Variants in PINX1 observed in about 807,000 individuals in gnomAD.
The protein encoded by PINX1 is PIN2 (TERF1) interacting telomerase inhibitor 1.
A neutral mutation model predicts 25.4 loss-of-function variants in PINX1; 34 were observed. That is an observed-to-expected ratio of 1.34 (90% CI 1.02 to 1.78). PINX1 has a LOEUF of 1.78. Among genes scored for constraint, PINX1 ranks in the 40% most tolerant of loss-of-function variants. The probability of loss-of-function intolerance (pLI) is 0.00; values close to 1 mark genes in which losing one functional copy is unlikely to be tolerated. For missense variants in PINX1, 592 were observed against 404.9 expected (o/e 1.46, Z -3.97); for synonymous variants, 197 against 147.7 (o/e 1.33, Z -2.42).
At chr8:10,783,749 G>C (rs925006184) in intron 6 of PINX1, among the ~76,000 whole-genome samples, 7 of 152,198 alleles carry the variant, frequency 4.6e-5, no homozygotes, top group African/African-American at 1.4e-4. Flanking sequence ...AATTGGAGGG[G>C]AGAGGGAAAC....
At chr8:10,802,740 C>T (rs1194316414) in intron 6 of PINX1, among the ~76,000 whole-genome samples, 2 of 152,148 alleles carry the variant, frequency 1.3e-5, no homozygotes, top group African/African-American at 4.8e-5. Context: ...GGGAATGTAC[C>T]AGACCTCCAG....
intron 6 of PINX1, among the ~76,000 whole-genome samples, chr8:10,816,371 C>G (rs1797697301): frequency 6.6e-6 from 1 of 152,220 alleles, no homozygotes; most frequent in South Asian, 2.1e-4. Flanking sequence ...GACTATTAAT[C>G]AAGGGCTGCA....
chr8:10,801,745 G>T (rs1051122344), intron 6 of PINX1, among the ~76,000 whole-genome samples: 5 of 152,152 alleles, frequency 3.3e-5, no homozygotes, highest in African/African-American at 1.2e-4. Flanking sequence ...TAATGAAAAA[G>T]AATTTGTGGT....
chr8:10,829,841 C>T (rs1419366182), intron 4 of PINX1, among the ~76,000 whole-genome samples: 4 of 152,160 alleles, frequency 2.6e-5, no homozygotes, highest in South Asian at 4.1e-4. Context: ...TACGCCACCA[C>T]GCCCAGCTAA....
chr8:10,793,238 T>C (rs2409661), intron 6 of PINX1, among the ~76,000 whole-genome samples: 3,405 of 152,266 alleles, frequency 0.022, 142 homozygotes, highest in African/African-American at 0.077. Flanking sequence ...AAGCATATTA[T>C]CTACATAATG....
chr8:10,827,771 C>T (rs190346527), intron 4 of PINX1, among the ~76,000 whole-genome samples: 1 of 151,420 alleles, frequency 6.6e-6, no homozygotes, highest in African/African-American at 2.4e-5. Flanking sequence ...ATTAGCCGGG[C>T]GTGGTGGCGG....
At chr8:10,772,939 T>C (rs1215355426) in intron 6 of PINX1, among the ~76,000 whole-genome samples, 1 of 152,204 alleles carries the variant, frequency 6.6e-6, no homozygotes, top group African/African-American at 2.4e-5. Context: ...TTTTTTTTTT[T>C]TTTACCATTT....
At chr8:10,768,877 T>C (rs968866174) in intron 6 of PINX1, among the ~76,000 whole-genome samples, 2 of 152,214 alleles carry the variant, frequency 1.3e-5, no homozygotes, top group Admixed American at 1.3e-4. Flanking sequence ...CTTTTACATC[T>C]GGTCTCTATC....
chr8:10,774,383 G>C (rs544711217), intron 6 of PINX1, among the ~76,000 whole-genome samples: 9 of 152,032 alleles, frequency 5.9e-5, no homozygotes, highest in African/African-American at 2.2e-4. Flanking sequence ...CAGGGTTCAA[G>C]TGATTCTCCT....
intron 4 of PINX1, among the ~76,000 whole-genome samples, chr8:10,829,285 CAAAAAAA>C (rs57684473): frequency 1.9e-3 from 169 of 90,534 alleles, no homozygotes; most frequent in Non-Finnish European, 2.7e-3. Context: ...GACTCCATCT[CAAAAAAA>C]AAAAAAAAAA....
chr8:10,835,460 G>A (rs1195079127), intron 1 of PINX1, among the ~76,000 whole-genome samples: 3 of 152,164 alleles, frequency 2.0e-5, no homozygotes, highest in Admixed American at 6.5e-5. Context: ...TGCTCTTGGG[G>A]AGAGTCAACT....
intron 6 of PINX1, among the ~76,000 whole-genome samples, chr8:10,810,456 G>C (rs1287820448): frequency 6.6e-6 from 1 of 152,168 alleles, no homozygotes; most frequent in African/African-American, 2.4e-5. Context: ...TGTGCCTCCT[G>C]ACAGACTCAG....
intron 3 of PINX1, 96 bp downstream of exon 3, chr8:10,832,796 C>A: frequency 2.9e-6 from 2 of 679,442 alleles, no homozygotes; most frequent in Non-Finnish European, 2.6e-6. Flanking sequence ...AAGTGCTGCA[C>A]CAATGGTCAG....
intron 5 of PINX1, chr8:10,825,519 G>A (rs1798009229): frequency 1.9e-6 from 1 of 527,660 alleles, no homozygotes; most frequent in Non-Finnish European, 3.9e-6. Context: ...CCACCTAGTG[G>A]CTGAAGACAA....
At chr8:10,829,964 T>C (rs186410240) in intron 4 of PINX1, among the ~76,000 whole-genome samples, 3 of 152,324 alleles carry the variant, frequency 2.0e-5, no homozygotes, top group East Asian at 3.9e-4. Flanking sequence ...TATTACACCG[T>C]GCCCAGCCAA....
intron 6 of PINX1, among the ~76,000 whole-genome samples, chr8:10,809,256 G>A (rs1039341384): frequency 3.9e-5 from 6 of 152,118 alleles, no homozygotes; most frequent in African/African-American, 1.4e-4. Flanking sequence ...AGGAGCAAGT[G>A]GCTGGAGGGA....
At chr8:10,795,877 T>C (rs923589234) in intron 6 of PINX1, among the ~76,000 whole-genome samples, 1 of 152,162 alleles carries the variant, frequency 6.6e-6, no homozygotes, top group African/African-American at 2.4e-5. Flanking sequence ...CCATTTGATT[T>C]TTTTTTTTCA....
At chr8:10,770,160 C>G (rs958430933) in intron 6 of PINX1, among the ~76,000 whole-genome samples, 1 of 152,226 alleles carries the variant, frequency 6.6e-6, no homozygotes, top group African/African-American at 2.4e-5. Flanking sequence ...AAGAAGCCCT[C>G]TTGGGCAGAT....
chr8:10,821,229 A>G (rs1797857935), intron 5 of PINX1, among the ~76,000 whole-genome samples: 1 of 152,244 alleles, frequency 6.6e-6, no homozygotes, highest in Non-Finnish European at 1.5e-5. Flanking sequence ...CCTGTAGCAC[A>G]CTGCCTTGGC....
Sources: gnomAD v4.1 joint callset for allele counts (sites outside exome capture counted in the v4.1 genomes callset) on GRCh38, gnomAD v4.1.1 for gene constraint, MANE v1.5 for transcripts, NCBI Gene and HGNC (gene_info 2026-07-23, HGNC 2026-07-21) for gene names.